Variants in SLC43A3 observed in about 807,000 individuals in gnomAD.
SLC43A3 encodes solute carrier family 43 member 3, also known as equilibrative nucleobase transporter 1.
SLC43A3 carries 33 observed loss-of-function variants against 53.3 expected under a neutral mutation model. That is an observed-to-expected ratio of 0.62 (90% CI 0.47 to 0.83). The LOEUF (loss-of-function observed/expected upper bound fraction) is 0.83. Ranked by LOEUF, SLC43A3 falls within the 40% of genes least tolerant of loss-of-function variation. The probability of loss-of-function intolerance (pLI) is 0.00; values close to 1 mark genes in which losing one functional copy is unlikely to be tolerated. For missense variants in SLC43A3, 530 were observed against 610.0 expected (o/e 0.87, Z 1.38); for synonymous variants, 236 against 246.2 (o/e 0.96, Z 0.39).
At chr11:57,424,440 C>T (rs779041440) in intron 4 of SLC43A3, among the ~76,000 whole-genome samples, 2 of 152,206 alleles carry the variant, frequency 1.3e-5, no homozygotes, top group Non-Finnish European at 2.9e-5. Flanking sequence ...TGAGTTCTAA[C>T]TCCTCCTCAC....
At position 57,426,249 on chromosome 11, in the gene SLC43A3, G is replaced by T; in HGVS notation, c.-77C>A. 1 of 1,431,536 alleles carries T rather than the reference G, an allele frequency of 7.0e-7. No individual in the cohort carries two copies. Among genetic ancestry groups the T allele is most frequent in the Non-Finnish European group, 9.6e-7 (1 of 1,045,124 alleles). 88.7% of individuals were successfully genotyped at this position (1,431,536 alleles called of 1,614,324 possible). A position where few individuals can be genotyped will look rare whatever the true frequency, so the allele number is the denominator to read the frequency against. The stretch of plus-strand genomic sequence containing the variant: ...CACAGGCGCCGTAAGCCTGGCGTTT[G>T]AGCACTTGGAAAATTCCTCTGGCAA... On this transcript the variant is annotated 5_prime_UTR_variant, in exon 3 of 14. Coordinates refer to ENST00000395124, the MANE Select transcript of SLC43A3 (RefSeq NM_199329.3).
chr11:57,419,196 CT>C (rs1415789898), intron 7 of SLC43A3, among the ~76,000 whole-genome samples: 3 of 152,120 alleles, frequency 2.0e-5, no homozygotes, highest in African/African-American at 7.2e-5. Flanking sequence ...CAGCAAAGGC[CT>C]TTTGTTCAAA....
intron 11 of SLC43A3, 108 bp from the exon 12 acceptor site, chr11:57,410,229 G>T: frequency 1.2e-6 from 1 of 866,672 alleles, no homozygotes; most frequent in Non-Finnish European, 1.7e-6. Context: ...TCCATCCACT[G>T]TCCCAACAGA....
rs1311510266 is a variant in SLC43A3, at chr11:57,410,008, A to T, written c.1174T>A (p.Tyr392Asn). The change falls in exon 12 of 14, where the codon TAC becomes AAC. Residue 392 changes from tyrosine (Y) to asparagine (N), a missense_variant. By Grantham distance (143) the Tyr-to-Asn change is moderately radical (BLOSUM62 -2). This residue lies in a region of SLC43A3 where 124 missense variants were observed against 166.4 expected (regional missense o/e 0.75). Transcript: ENST00000395124. ...CASVPILPLQ[Y>N]LTFILQVISR... The stretch of plus-strand genomic sequence containing the variant: ...ATCACTTGCAGGATGAAGGTGAGGT[A>T]CTGGAGAGGGAGGATGGGGACTGAG... 1 of 1,613,238 alleles carries T rather than the reference A, an allele frequency of 6.2e-7. No individual in the cohort carries two copies. The highest frequency in any genetic ancestry group is 2.2e-5 in the East Asian group (1 of 44,892).
At position 57,415,074 on chromosome 11, in the gene SLC43A3, G is replaced by A. The variant is rs541473220; in HGVS notation, c.802C>T (p.Arg268Cys). The A allele has an allele frequency of 5.0e-5, 81 of 1,613,448 alleles. No homozygotes were observed. Among genetic ancestry groups the A allele is most frequent in the African/African-American group, 2.9e-4 (22 of 75,064 alleles). ...TPGAGQKQEL[R>C]SFWSYAFSRR... Reference sequence around the variant, plus strand: ...GAGAAAGCGTAGCTCCAGAAGGAGCGGAGTTCCTGCTTCTGCCCTGCCCCT... The same window carrying A: ...GAGAAAGCGTAGCTCCAGAAGGAGCAGAGTTCCTGCTTCTGCCCTGCCCCT... Residue 268 changes from arginine to cysteine, a missense_variant, in exon 10 of 14, where the codon CGC (arginine) becomes TGC (cysteine). Arg to Cys is a radical substitution (Grantham distance 180). Around this residue, in one of 3 missense-constraint regions of SLC43A3, gnomAD observed 376 missense variants for 386.7 expected, o/e 0.97. Coordinates refer to ENST00000395124, the MANE Select transcript of SLC43A3 (RefSeq NM_199329.3).
chr11:57,426,250 A>G lies in SLC43A3; in HGVS notation c.-78T>C. ...ACAGGCGCCGTAAGCCTGGCGTTTG[A>G]GCACTTGGAAAATTCCTCTGGCAAG... is the stretch of plus-strand genomic sequence containing the variant. On this transcript the variant is annotated 5_prime_UTR_variant, in exon 3 of 14. Coordinates refer to ENST00000395124, the MANE Select transcript of SLC43A3 (RefSeq NM_199329.3). The G allele has an allele frequency of 7.0e-7, 1 of 1,427,566 alleles. No individual in the cohort carries two copies. Among genetic ancestry groups the G allele is most frequent in the South Asian group, 1.2e-5 (1 of 80,578 alleles). The allele number at this position is 1,427,566 out of a possible 1,614,324, so 88.4% of individuals were successfully genotyped here.
In SLC43A3 at chr11:57,408,019, A is replaced by G. The variant is rs147271458; in HGVS notation, c.1372-123T>C. ...GGGACCAGAAGTCTACCGAGTTTATATTCTACTTTTCACCCAGACACTATG... is the reference window on the plus strand; with the variant it reads ...GGGACCAGAAGTCTACCGAGTTTATGTTCTACTTTTCACCCAGACACTATG... On this transcript the variant is annotated intron_variant, in intron 13 of 13. Coordinates refer to ENST00000395124, the MANE Select transcript of SLC43A3 (RefSeq NM_199329.3). 410 of 650,744 alleles carry G rather than the reference A, an allele frequency of 6.3e-4. 7 individuals are homozygous for G. In the East Asian group the frequency reaches 0.011, roughly 17 times the overall value. 40.3% of individuals were successfully genotyped at this position (650,744 alleles called of 1,614,324 possible).
chr11:57,413,017 G>A (rs1942552714), intron 11 of SLC43A3, among the ~76,000 whole-genome samples: 1 of 147,290 alleles, frequency 6.8e-6, no homozygotes, highest in South Asian at 2.1e-4. Flanking sequence ...CTGCTGACAG[G>A]AGAACAGAGG....
intron 13 of SLC43A3, 184 bp from the exon 14 acceptor site, chr11:57,408,080 T>G: frequency 1.8e-6 from 1 of 560,278 alleles, no homozygotes. Flanking sequence ...TACTTTTCAT[T>G]CTGCACTATC....
intron 13 of SLC43A3, 78 bp downstream of exon 13, chr11:57,409,097 C>T (rs1942333543): frequency 6.9e-7 from 1 of 1,457,632 alleles, no homozygotes; most frequent in African/African-American, 1.4e-5. Flanking sequence ...ATACCCAGGC[C>T]ATCACAGCCA....
At chr11:57,409,143 C>T (rs1378154755) in intron 13 of SLC43A3, 32 bp downstream of exon 13, 1 of 1,613,258 alleles carries the variant, frequency 6.2e-7, no homozygotes, top group Non-Finnish European at 8.5e-7. Context: ...CCCAGGCCTC[C>T]TGCCAGGGAT....
intron 7 of SLC43A3, among the ~76,000 whole-genome samples, chr11:57,419,919 CT>C (rs958144701): frequency 1.3e-5 from 2 of 152,110 alleles, no homozygotes; most frequent in Non-Finnish European, 2.9e-5. Context: ...GCTTGAGTGC[CT>C]CAGGGGCTCA....
chr11:57,415,749 T>C (rs1243421010), intron 9 of SLC43A3, among the ~76,000 whole-genome samples: 2 of 152,198 alleles, frequency 1.3e-5, no homozygotes, highest in Non-Finnish European at 2.9e-5. Flanking sequence ...CAGAACCCTA[T>C]TCTTCTTTCT....
At chr11:57,418,217 G>C (rs6591425) in intron 7 of SLC43A3, among the ~76,000 whole-genome samples, 147,666 of 152,108 alleles carry the variant, frequency 0.97, 71,822 homozygotes, top group East Asian at 1. Context: ...CACCTGTAGT[G>C]CCAGCTACTC....
chr11:57,414,811 T>C, intron 10 of SLC43A3, 80 bp from the exon 11 acceptor site: 2 of 1,512,982 alleles, frequency 1.3e-6, no homozygotes, highest in South Asian at 2.3e-5. Context: ...ACCTTACCCT[T>C]GTCTGCATGT....
chr11:57,415,368 T>C lies in SLC43A3; in HGVS notation c.770-262A>G, dbSNP rs1222725119. The C allele has an allele frequency of 4.1e-6, 6 of 1,462,434 alleles. No individual in the cohort carries two copies. In the African/African-American group the frequency reaches 5.6e-5, roughly 14 times the overall value. 90.6% of individuals were successfully genotyped at this position (1,462,434 alleles called of 1,614,324 possible). On this transcript the variant is annotated intron_variant, in intron 9 of 13. Coordinates refer to ENST00000395124, the MANE Select transcript of SLC43A3 (RefSeq NM_199329.3). ...GATCTGTCTCTCACAGCCTGGTCAA[T>C]GACACTTCTTGCAGTAATACCTTCC...
intron 11 of SLC43A3, among the ~76,000 whole-genome samples, chr11:57,413,319 C>T (rs1942568767): frequency 6.6e-6 from 1 of 152,104 alleles, no homozygotes; most frequent in Admixed American, 6.5e-5. Flanking sequence ...CTAATTGGAA[C>T]AAACCAACTG....
chr11:57,417,838 G>A lies in SLC43A3; in HGVS notation c.581C>T (p.Ser194Phe). ...TGCTACATGCCAGGTACTGCAGACAGAGATGAAGATGAAGGAGGCCCTGAG... is the reference window on the plus strand; with the variant it reads ...TGCTACATGCCAGGTACTGCAGACAAAGATGAAGATGAAGGAGGCCCTGAG... ...ISLRASFIFI[S>F]VCSTWHVART... The change falls in exon 8 of 14, where the codon TCT becomes TTT. Residue 194 changes from serine to phenylalanine, a missense_variant. Around this residue, in one of 3 missense-constraint regions of SLC43A3, gnomAD observed 376 missense variants for 386.7 expected, o/e 0.97. Transcript: ENST00000395124. The A allele has an allele frequency of 6.2e-7, 1 of 1,614,202 alleles. No individual in the cohort carries two copies. Among genetic ancestry groups the A allele is most frequent in the South Asian group, 1.1e-5 (1 of 91,088 alleles).
rs541141563 is a variant in SLC43A3 at position 57,415,645 on chromosome 11, G to T, written c.770-539C>A. ...TGAGATGGTTCCTCCTAACAAGGCA[G>T]ACCGGCCATGAGTTTAGATTAGGAT... On this transcript the variant is annotated intron_variant, in intron 9 of 13. Coordinates refer to ENST00000395124, the MANE Select transcript of SLC43A3 (RefSeq NM_199329.3). Among the ~76,000 whole-genome samples, 13 of 152,242 alleles carry T rather than the reference G, an allele frequency of 8.5e-5. No individual in the cohort carries two copies. The South Asian group carries it at 2.7e-3, about 32-fold the overall frequency.
Sources: allele counts gnomAD v4.1 joint callset (sites outside exome capture counted in the v4.1 genomes callset), GRCh38; gene constraint gnomAD v4.1.1; regional missense constraint gnomAD v4.1.1; transcripts MANE v1.5; gene names NCBI Gene and HGNC (gene_info 2026-07-23, HGNC 2026-07-21).